HEATR3: variants seen among roughly 807,000 people sequenced by gnomAD.
The protein encoded by HEATR3 is HEAT repeat-containing protein 3.
A neutral mutation model predicts 72.8 loss-of-function variants in HEATR3; 56 were observed. The observed-to-expected ratio is 0.77, with a 90% confidence interval of 0.62 to 0.96. The LOEUF (loss-of-function observed/expected upper bound fraction) is 0.96, where lower values mean the gene tolerates loss of function less well. HEATR3 is among the 40% of genes least tolerant of loss of function. The probability of loss-of-function intolerance (pLI) is 0.00; values close to 1 mark genes in which losing one functional copy is unlikely to be tolerated. For missense variants in HEATR3, 747 were observed against 831.4 expected, an observed-to-expected ratio of 0.90 and a Z score of 1.25; for synonymous variants, 331 against 318.1, an observed-to-expected ratio of 1.04 and a Z score of -0.43.
rs965896272 is a variant in HEATR3 at position 50,106,554 on chromosome 16, C to G, written c.*1493C>G. ...ACTTTGCAGCATTACCTCTCAGTGT[C>G]TTCGAAGTACTAGGTGACAGCTGGG... On this transcript the variant is annotated 3_prime_UTR_variant, in exon 15 of 15. Transcript: ENST00000299192. 1 of 152,060 alleles carries G rather than the reference C, an allele frequency of 6.6e-6. No homozygotes were observed. The highest frequency in any genetic ancestry group is 1.5e-5 in the Non-Finnish European group (1 of 68,008). The allele number at this position is 152,060 out of a possible 1,614,324, so 9.4% of individuals were successfully genotyped here.
At chr16:50,068,675 C>T in intron 2 of HEATR3, 105 bp from the exon 3 acceptor site, 1 of 844,814 alleles carries the variant, frequency 1.2e-6, no homozygotes, top group Non-Finnish European at 1.9e-6. Flanking sequence ...TAAGCTATTT[C>T]CTCTGGGAAA....
At chr16:50,078,354 A>G (rs2036787873) in intron 6 of HEATR3, among the ~76,000 whole-genome samples, 2 of 152,214 alleles carry the variant, frequency 1.3e-5, no homozygotes, top group Non-Finnish European at 2.9e-5. Context: ...ATGTCAGACC[A>G]ACCTTGGAAT....
rs370443849 is a variant in HEATR3, at chr16:50,100,182, A to C, written c.1600-48A>C. Reference sequence around the variant, plus strand: ...AGTCCGGTTTTCACATGCTGATAGAATTAATTGAGTTTAACATTATAAATA... The same window carrying C: ...AGTCCGGTTTTCACATGCTGATAGACTTAATTGAGTTTAACATTATAAATA... On this transcript the variant is annotated intron_variant, in intron 12 of 14. Coordinates refer to ENST00000299192, the MANE Select transcript of HEATR3 (RefSeq NM_182922.4). 7 of 1,570,952 alleles carry C rather than the reference A, an allele frequency of 4.5e-6. No homozygotes were observed. In the African/African-American group the frequency reaches 9.5e-5, roughly 21 times the overall value.
rs574905450 is a variant in HEATR3 at position 50,099,909 on chromosome 16, T to C, written c.1600-321T>C. Among the ~76,000 whole-genome samples the C allele has an allele frequency of 6.4e-4, 97 of 152,358 alleles. 2 individuals carry two copies. Among genetic ancestry groups the C allele is most frequent in the African/African-American group, 2.1e-3 (88 of 41,586 alleles). The stretch of plus-strand genomic sequence containing the variant: ...ATCCTATTTATACTTTCAAAGCCTT[T>C]TTCTTACCATTAATATTAAAAAGGA... On this transcript the variant is annotated intron_variant, in intron 12 of 14. Transcript: ENST00000299192.
chr16:50,093,532 G>A (rs564713169), intron 11 of HEATR3, among the ~76,000 whole-genome samples: 2 of 152,282 alleles, frequency 1.3e-5, no homozygotes, highest in East Asian at 3.9e-4. Context: ...GTTGAGGCCA[G>A]GAATGTTCCT....
intron 4 of HEATR3, among the ~76,000 whole-genome samples, chr16:50,072,125 A>C (rs999770830): frequency 6.6e-6 from 1 of 152,138 alleles, no homozygotes; most frequent in African/African-American, 2.4e-5. Flanking sequence ...TTGTGTGATA[A>C]ATATAGAGGC....
At chr16:50,092,229 G>C (rs543154093) in intron 11 of HEATR3, among the ~76,000 whole-genome samples, 113 of 151,816 alleles carry the variant, frequency 7.4e-4, no homozygotes, top group African/African-American at 2.3e-3. Context: ...CCAGCTACTC[G>C]GGAGGCTGAG....
At chr16:50,086,381 C>T (rs776253389) in intron 11 of HEATR3, 30 bp downstream of exon 11, 5 of 1,584,522 alleles carry the variant, frequency 3.2e-6, no homozygotes. Context: ...AAAGACTACG[C>T]AGACGGAACA....
At chr16:50,077,237 C>G (rs1289889029) in intron 6 of HEATR3, among the ~76,000 whole-genome samples, 1 of 151,930 alleles carries the variant, frequency 6.6e-6, no homozygotes, top group Admixed American at 6.6e-5. Flanking sequence ...GTCTCGAACT[C>G]CTGACCTAAA....
At chr16:50,075,259 G>T (rs140349086) in intron 5 of HEATR3, among the ~76,000 whole-genome samples, 1 of 149,210 alleles carries the variant, frequency 6.7e-6, no homozygotes, top group Non-Finnish European at 1.5e-5. Flanking sequence ...AGAGGTTGTA[G>T]TGAGCTGAGA....
At chr16:50,084,736 C>T (rs2150610699) in intron 10 of HEATR3, 85 bp downstream of exon 10, 1 of 985,548 alleles carries the variant, frequency 1.0e-6, no homozygotes, top group East Asian at 2.4e-5. Context: ...TGCTGACTCC[C>T]CCTAGGACCC....
chr16:50,104,896 A>T, intron 14 of HEATR3, 43 bp from the exon 15 acceptor site: 2 of 1,503,088 alleles, frequency 1.3e-6, no homozygotes, highest in South Asian at 2.5e-5. Flanking sequence ...TGAATTAATC[A>T]TATCTACCAA....
chr16:50,100,161 C>T (rs140222184), intron 12 of HEATR3, 69 bp from the exon 13 acceptor site: 28 of 1,475,162 alleles, frequency 1.9e-5, no homozygotes, highest in African/African-American at 4.2e-5. Flanking sequence ...CCTGTCAGTC[C>T]GGTTTTCACA....
chr16:50,096,450 T>C (rs1250529377), intron 12 of HEATR3, among the ~76,000 whole-genome samples: 1 of 151,946 alleles, frequency 6.6e-6, no homozygotes, highest in African/African-American at 2.4e-5. Context: ...TTATTATCTC[T>C]AAAAAAAATT....
chr16:50,104,267 C>G (rs2037431370), intron 14 of HEATR3, among the ~76,000 whole-genome samples: 1 of 152,124 alleles, frequency 6.6e-6, no homozygotes, highest in Admixed American at 6.6e-5. Flanking sequence ...GCAGGAGGAT[C>G]ACTTGCGTCC....
At chr16:50,082,912 T>C (rs2036902582) in intron 7 of HEATR3, among the ~76,000 whole-genome samples, 1 of 152,134 alleles carries the variant, frequency 6.6e-6, no homozygotes, top group Non-Finnish European at 1.5e-5. Flanking sequence ...TGCCTTGGCC[T>C]CCCAAGTAGC....
At chr16:50,089,251 T>C (rs1410133387) in intron 11 of HEATR3, among the ~76,000 whole-genome samples, 1 of 152,212 alleles carries the variant, frequency 6.6e-6, no homozygotes, top group African/African-American at 2.4e-5. Context: ...TGTGACATGC[T>C]GCTAGGTTAA....
intron 7 of HEATR3, among the ~76,000 whole-genome samples, chr16:50,081,659 G>T (rs2036870339): frequency 6.6e-6 from 1 of 152,190 alleles, no homozygotes. Context: ...ATTATATTCA[G>T]CTGTGGTCTT....
At chr16:50,086,821 C>T (rs1388033599) in intron 11 of HEATR3, among the ~76,000 whole-genome samples, 2 of 151,932 alleles carry the variant, frequency 1.3e-5, no homozygotes, top group East Asian at 1.9e-4. Flanking sequence ...CCCAGCTACT[C>T]GGGAGGCTGA....
Sources: allele counts gnomAD v4.1 joint callset (sites outside exome capture counted in the v4.1 genomes callset), GRCh38; gene constraint gnomAD v4.1.1; transcripts MANE v1.5; gene names NCBI Gene and HGNC (gene_info 2026-07-23, HGNC 2026-07-21).